Variants in SLC25A16 observed in about 807,000 individuals in gnomAD.
SLC25A16 encodes solute carrier family 25 member 16.
In SLC25A16, 39 loss-of-function variants were observed where a neutral mutation model predicts 41.5. The ratio of observed to expected loss-of-function variants is 0.94; its 90% confidence interval spans 0.73 to 1.23. The LOEUF (loss-of-function observed/expected upper bound fraction) is 1.23. SLC25A16 is among the 50% of genes most tolerant of loss of function. SLC25A16 has a pLI of 0.00. For synonymous variants in SLC25A16, 146 were observed against 147.8 expected, an observed-to-expected ratio of 0.99 and a Z score of 0.09; for missense variants, 421 against 426.9, an observed-to-expected ratio of 0.99 and a Z score of 0.12.
In SLC25A16 at chr10:68,479,112, C is replaced by G. The variant is rs995212572; in HGVS notation, c.*4320G>C. 1.3e-5 allele frequency: 2 copies of G among 152,148 alleles called. No individual in the cohort carries two copies. Among genetic ancestry groups the G allele is most frequent in the African/African-American group, 4.8e-5 (2 of 41,428 alleles). The allele number at this position is 152,148 out of a possible 1,614,324, so 9.4% of individuals were successfully genotyped here. A position where few individuals can be genotyped will look rare whatever the true frequency, so the allele number is the denominator to read the frequency against. ...GCAAATCAGCAATAAGACATTTCTGCGAAGCAAACCAAATGACTTTATTCC... is the reference window on the plus strand; with the variant it reads ...GCAAATCAGCAATAAGACATTTCTGGGAAGCAAACCAAATGACTTTATTCC... On this transcript the variant is annotated 3_prime_UTR_variant, in exon 9 of 9. Transcript: ENST00000609923.
chr10:68,522,864 G>A (rs1202647123), intron 1 of SLC25A16, among the ~76,000 whole-genome samples: 12 of 149,950 alleles, frequency 8.0e-5, no homozygotes, highest in African/African-American at 2.5e-4. Context: ...GGCACCCACC[G>A]GTAGTCCCAG....
At chr10:68,516,528 AT>A (rs1161080456) in intron 2 of SLC25A16, among the ~76,000 whole-genome samples, 1 of 152,216 alleles carries the variant, frequency 6.6e-6, no homozygotes, top group Non-Finnish European at 1.5e-5. Context: ...AAGCACATTG[AT>A]TTTTTAATCA....
At chr10:68,524,802 C>T (rs998538898) in intron 1 of SLC25A16, among the ~76,000 whole-genome samples, 8 of 151,000 alleles carry the variant, frequency 5.3e-5, no homozygotes, top group Non-Finnish European at 1.0e-4. Flanking sequence ...CACTTGAACC[C>T]GGATACGGAG....
At chr10:68,486,364 G>A (rs539801888) in intron 8 of SLC25A16, among the ~76,000 whole-genome samples, 14 of 151,564 alleles carry the variant, frequency 9.2e-5, no homozygotes, top group South Asian at 2.1e-4. Flanking sequence ...CAAATTGCTC[G>A]GATTACAGGC....
chr10:68,512,531 T>C (rs981644279), intron 2 of SLC25A16, among the ~76,000 whole-genome samples: 7 of 115,138 alleles, frequency 6.1e-5, no homozygotes, highest in Non-Finnish European at 1.7e-5. Flanking sequence ...CCCAGCTACT[T>C]GGGAGGCTGA....
rs1191455270 is a variant in SLC25A16, at chr10:68,483,235, G to A, written c.*197C>T. 1 of 490,938 alleles carries A rather than the reference G, an allele frequency of 2.0e-6. No individual in the cohort carries two copies. The highest frequency in any genetic ancestry group is 1.9e-5 in the African/African-American group (1 of 51,694). 30.4% of individuals were successfully genotyped at this position (490,938 alleles called of 1,614,324 possible). ...GGAATATTTTCTTCAATGTTCTAAG[G>A]TATAATGTTTGGCATCAAAAAGTAT... On this transcript the variant is annotated 3_prime_UTR_variant, in exon 9 of 9. Transcript: ENST00000609923.
rs984056279 is a variant in SLC25A16 at position 68,525,206 on chromosome 10, C to T, written c.130+2040G>A. ...AGACTGGAGTGCAATGGCAGGATCT[C>T]GGCTCACTGCAACCTCCACAGTGAT... is the stretch of plus-strand genomic sequence containing the variant. On this transcript the variant is annotated intron_variant, in intron 1 of 8. Transcript: ENST00000609923. 4.6e-5 allele frequency among the ~76,000 whole-genome samples: 7 copies of T among 151,930 alleles called. 1 individual carries two copies. The highest frequency in any genetic ancestry group is 2.1e-4 in the South Asian group (1 of 4,822).
intron 3 of SLC25A16, among the ~76,000 whole-genome samples, chr10:68,505,030 C>T (rs948129481): frequency 6.6e-6 from 1 of 152,128 alleles, no homozygotes; most frequent in African/African-American, 2.4e-5. Context: ...GTGTTCCTCT[C>T]CTACAATTGA....
chr10:68,510,852 A>G (rs1005280498), intron 2 of SLC25A16, among the ~76,000 whole-genome samples: 1 of 152,154 alleles, frequency 6.6e-6, no homozygotes, highest in African/African-American at 2.4e-5. Context: ...AAATACATGA[A>G]AAAATTTTTC....
At chr10:68,518,913 C>T (rs1259021028) in intron 1 of SLC25A16, among the ~76,000 whole-genome samples, 1 of 152,082 alleles carries the variant, frequency 6.6e-6, no homozygotes, top group Non-Finnish European at 1.5e-5. Flanking sequence ...TAATAGTTGG[C>T]CAGGTATGGT....
chr10:68,511,202 T>C (rs2053057577), intron 2 of SLC25A16, among the ~76,000 whole-genome samples: 2 of 151,768 alleles, frequency 1.3e-5, no homozygotes, highest in Middle Eastern at 3.4e-3. Flanking sequence ...GATCACACCA[T>C]TGCACTCCAG....
At chr10:68,497,733 C>T (rs997685930) in intron 4 of SLC25A16, among the ~76,000 whole-genome samples, 1 of 151,478 alleles carries the variant, frequency 6.6e-6, no homozygotes, top group African/African-American at 2.4e-5. Flanking sequence ...TCTCCTGCCT[C>T]AGCCTCCCAA....
intron 6 of SLC25A16, among the ~76,000 whole-genome samples, chr10:68,492,552 T>C (rs1369943284): frequency 6.6e-6 from 1 of 152,074 alleles, no homozygotes; most frequent in Non-Finnish European, 1.5e-5. Flanking sequence ...GTAGATCACC[T>C]GAGGTCGGGA....
Position 68,515,421 on chromosome 10 carries a change from C to T in SLC25A16, c.223+1330G>A, listed in dbSNP as rs559395357. 5.7e-4 allele frequency among the ~76,000 whole-genome samples: 86 copies of T among 149,740 alleles called. No individual in the cohort carries two copies. In the Middle Eastern group the frequency reaches 0.014, roughly 25 times the overall value. On this transcript the variant is annotated intron_variant, in intron 2 of 8. Coordinates refer to ENST00000609923, the MANE Select transcript of SLC25A16 (RefSeq NM_152707.4). ...TTCTTGAACAAATATTTCTAGAATGCTTTTTAAATTAAGCGTTAAAAAGGA... is the reference window on the plus strand; with the variant it reads ...TTCTTGAACAAATATTTCTAGAATGTTTTTTAAATTAAGCGTTAAAAAGGA...
At chr10:68,486,954 C>T in intron 8 of SLC25A16, 190 bp downstream of exon 8, 1 of 343,266 alleles carries the variant, frequency 2.9e-6, no homozygotes, top group Non-Finnish European at 4.8e-6. Context: ...AAGACTGCAT[C>T]TCAAAAAAAA....
intron 7 of SLC25A16, among the ~76,000 whole-genome samples, chr10:68,488,158 T>C (rs1180247146): frequency 1.3e-5 from 2 of 151,962 alleles, no homozygotes; most frequent in African/African-American, 4.8e-5. Context: ...CCTCTTTCTT[T>C]TTTTCTTAGG....
intron 1 of SLC25A16, 63 bp from the exon 2 acceptor site, chr10:68,516,906 T>G: frequency 7.5e-7 from 1 of 1,341,146 alleles, no homozygotes; most frequent in Non-Finnish European, 1.1e-6. Context: ...TGGAAATCAT[T>G]AGTTGTTCAG....
At chr10:68,510,375 T>C (rs1205904580) in intron 2 of SLC25A16, among the ~76,000 whole-genome samples, 1 of 119,622 alleles carries the variant, frequency 8.4e-6, no homozygotes, top group Admixed American at 8.4e-5. Flanking sequence ...CTACTAAAAA[T>C]ACAAAAAAAA....
rs1430866871 is a variant in SLC25A16 at position 68,483,237 on chromosome 10, A to G, written c.*195T>C. 7 of 492,212 alleles carry G rather than the reference A, an allele frequency of 1.4e-5. No homozygotes were observed. The Admixed American group carries it at 2.5e-4, about 18-fold the overall frequency. 30.5% of individuals were successfully genotyped at this position (492,212 alleles called of 1,614,324 possible). ...AATATTTTCTTCAATGTTCTAAGGT[A>G]TAATGTTTGGCATCAAAAAGTATGG... On this transcript the variant is annotated 3_prime_UTR_variant, in exon 9 of 9. Transcript: ENST00000609923.
Sources: allele counts gnomAD v4.1 joint callset (sites outside exome capture counted in the v4.1 genomes callset), GRCh38; gene constraint gnomAD v4.1.1; transcripts MANE v1.5; gene names NCBI Gene and HGNC (gene_info 2026-07-23, HGNC 2026-07-21).